The following CCDC7 variants were observed in gnomAD, a reference collection of about 807,000 sequenced individuals.
CCDC7 encodes the protein coiled-coil domain-containing protein 7.
Under a neutral mutation model 196.9 loss-of-function variants are expected in CCDC7, and 183 were observed. The ratio of observed to expected loss-of-function variants is 0.93; its 90% confidence interval spans 0.82 to 1.05. CCDC7 has a LOEUF of 1.05. CCDC7 is among the 50% of genes least tolerant of loss of function. CCDC7 has a pLI of 0.00. For synonymous variants in CCDC7, 525 were observed against 484.6 expected, an observed-to-expected ratio of 1.08 and a Z score of -1.10; for missense variants, 1,540 against 1,482.2, an observed-to-expected ratio of 1.04 and a Z score of -0.64.
chr10:32,489,224 G>A (rs1402185), intron 8 of CCDC7, among the ~76,000 whole-genome samples: 17,299 of 152,162 alleles, frequency 0.11, 1,181 homozygotes, highest in South Asian at 0.27. Context: ...GTGGCTTTGG[G>A]GTCCAGATGC....
chr10:32,831,243 GT>G (rs890855154), intron 32 of CCDC7, among the ~76,000 whole-genome samples: 1 of 152,092 alleles, frequency 6.6e-6, no homozygotes, highest in African/African-American at 2.4e-5. Flanking sequence ...AAGATAAAAA[GT>G]GGTACACCTG....
intron 3 of CCDC7, 88 bp from the exon 5 acceptor site, chr10:32,462,595 A>C: frequency 9.2e-7 from 1 of 1,091,468 alleles, no homozygotes; most frequent in Non-Finnish European, 1.3e-6. Flanking sequence ...TTTGTGATTG[A>C]AAATTGCAAA....
intron 32 of CCDC7, among the ~76,000 whole-genome samples, chr10:32,830,402 A>G (rs2092040918): frequency 6.6e-6 from 1 of 151,694 alleles, no homozygotes; most frequent in African/African-American, 2.4e-5. Flanking sequence ...AAAAAACAGG[A>G]AGATGTGTCC....
intron 23 of CCDC7, among the ~76,000 whole-genome samples, chr10:32,689,603 G>T (rs977619878): frequency 2.6e-5 from 4 of 152,126 alleles, no homozygotes; most frequent in Middle Eastern, 3.2e-3. Context: ...GGACTCTAGG[G>T]CATCCTTTTG....
At chr10:32,515,607 A>G in intron 9 of CCDC7, among the ~76,000 whole-genome samples, 1 of 151,990 alleles carries the variant, frequency 6.6e-6, no homozygotes. Flanking sequence ...GCAGTGGCAC[A>G]ATCTTGGCTC....
downstream of CCDC7, among the ~76,000 whole-genome samples, chr10:32,877,383 G>A (rs1032518539): frequency 6.6e-6 from 1 of 152,086 alleles, no homozygotes; most frequent in African/African-American, 2.4e-5. Context: ...GTTTTGGAGA[G>A]AATATATGCA....
intron 30 of CCDC7, among the ~76,000 whole-genome samples, chr10:32,811,912 A>T (rs1230193646): frequency 3.9e-5 from 6 of 152,160 alleles, no homozygotes; most frequent in Non-Finnish European, 8.8e-5. Context: ...AGGGTGGTTT[A>T]ACATATACAA....
intron 29 of CCDC7, among the ~76,000 whole-genome samples, chr10:32,782,464 G>C (rs2081213334): frequency 6.6e-6 from 1 of 152,150 alleles, no homozygotes; most frequent in Admixed American, 6.5e-5. Flanking sequence ...CTGACCTCAA[G>C]TGATTCGTCT....
intron 30 of CCDC7, among the ~76,000 whole-genome samples, chr10:32,811,315 A>T (rs2087044514): frequency 6.6e-6 from 1 of 152,080 alleles, no homozygotes; most frequent in Admixed American, 6.5e-5. Flanking sequence ...ATGAAAAAGG[A>T]GATAGAACTG....
intron 25 of CCDC7, among the ~76,000 whole-genome samples, chr10:32,713,862 T>G (rs1029585636): frequency 2.0e-5 from 3 of 152,366 alleles, no homozygotes; most frequent in Non-Finnish European, 4.4e-5. Context: ...ATTTGCCAGT[T>G]AATATCTGGA....
intron 25 of CCDC7, 113 bp downstream of exon 26, chr10:32,711,843 ACTC>A (rs779259117): frequency 2.8e-5 from 15 of 538,914 alleles, no homozygotes; most frequent in Non-Finnish European, 3.8e-5. Context: ...GATAATTTAT[ACTC>A]TGTAAATACT....
chr10:32,614,531 CAT>C (rs1299691476), intron 18 of CCDC7, among the ~76,000 whole-genome samples: 1 of 152,140 alleles, frequency 6.6e-6, no homozygotes, highest in Non-Finnish European at 1.5e-5. Flanking sequence ...TCAGTTTCTT[CAT>C]AGTGTCAACA....
chr10:32,549,699 G>T (rs1031975523), intron 13 of CCDC7, among the ~76,000 whole-genome samples: 8 of 152,040 alleles, frequency 5.3e-5, no homozygotes, highest in African/African-American at 1.9e-4. Context: ...GTTTTTGTTT[G>T]CTTTGTCGAA....
At chr10:32,652,339 T>C (rs1313780585) in intron 20 of CCDC7, among the ~76,000 whole-genome samples, 1 of 152,126 alleles carries the variant, frequency 6.6e-6, no homozygotes, top group Non-Finnish European at 1.5e-5. Context: ...AGGGCACATA[T>C]ACTTGGATCT....
At chr10:32,545,099 G>T (rs2052194902) in intron 13 of CCDC7, among the ~76,000 whole-genome samples, 1 of 152,140 alleles carries the variant, frequency 6.6e-6, no homozygotes, top group South Asian at 2.1e-4. Flanking sequence ...TATTTCTCTT[G>T]TCTAGAAGCT....
At chr10:32,495,938 T>G (rs1422769618) in intron 9 of CCDC7, among the ~76,000 whole-genome samples, 1 of 152,146 alleles carries the variant, frequency 6.6e-6, no homozygotes, top group Non-Finnish European at 1.5e-5. Context: ...AGAAAGTCAA[T>G]AGTAGCTTGA....
intron 29 of CCDC7, among the ~76,000 whole-genome samples, chr10:32,801,973 C>A (rs991012573): frequency 5.3e-5 from 8 of 152,188 alleles, no homozygotes; most frequent in African/African-American, 1.9e-4. Flanking sequence ...TGGTCCCATT[C>A]TTTTCCAATC....
chr10:32,650,561 C>T (rs2068567956), intron 20 of CCDC7, among the ~76,000 whole-genome samples: 1 of 152,174 alleles, frequency 6.6e-6, no homozygotes, highest in African/African-American at 2.4e-5. Context: ...GATGGGGAAA[C>T]AGGCAACACC....
At chr10:32,510,056 C>G (rs1454872374) in intron 9 of CCDC7, among the ~76,000 whole-genome samples, 2 of 152,094 alleles carry the variant, frequency 1.3e-5, no homozygotes, top group Non-Finnish European at 2.9e-5. Flanking sequence ...GAACTTAAAT[C>G]AATATGTCAG....
Sources: allele counts gnomAD v4.1 joint callset (sites outside exome capture counted in the v4.1 genomes callset), GRCh38; gene constraint gnomAD v4.1.1; transcripts MANE v1.5; gene names NCBI Gene and HGNC (gene_info 2026-07-23, HGNC 2026-07-21).